CACNA2D1: variants seen among roughly 807,000 people sequenced by gnomAD.
CACNA2D1 encodes voltage-dependent calcium channel subunit alpha-2/delta-1.
CACNA2D1 carries 53 observed loss-of-function variants against 171.5 expected under a neutral mutation model. That is an observed-to-expected ratio of 0.31 (90% CI 0.25 to 0.39). The LOEUF (loss-of-function observed/expected upper bound fraction) is 0.39, where lower values mean the gene tolerates loss of function less well. Among genes scored for constraint, CACNA2D1 ranks in the 10% least tolerant of loss-of-function variants. The probability of loss-of-function intolerance (pLI) is 1.00; values close to 1 mark genes in which losing one functional copy is unlikely to be tolerated. For synonymous variants in CACNA2D1, 442 were observed against 443.1 expected, an observed-to-expected ratio of 1.00 and a Z score of 0.03; for missense variants, 903 against 1,299.8, an observed-to-expected ratio of 0.69 and a Z score of 4.69.
At chr7:82,009,959 C>T (rs1463088497) in intron 15 of CACNA2D1, among the ~76,000 whole-genome samples, 1 of 152,022 alleles carries the variant, frequency 6.6e-6, no homozygotes, top group Non-Finnish European at 1.5e-5. Context: ...CCTAATCTCC[C>T]CTTATTACCA....
intron 1 of CACNA2D1, among the ~76,000 whole-genome samples, chr7:82,428,557 G>C (rs1237648426): frequency 6.6e-6 from 1 of 152,170 alleles, no homozygotes; most frequent in Non-Finnish European, 1.5e-5. Context: ...TCCAGGAGTA[G>C]ATTAGAAAAT....
chr7:82,021,336 G>A (rs1471789992), intron 12 of CACNA2D1: 1 of 151,948 alleles, frequency 6.6e-6, no homozygotes, highest in East Asian at 1.9e-4. Flanking sequence ...GAAGGGAAAG[G>A]TGCCATCACT....
intron 1 of CACNA2D1, among the ~76,000 whole-genome samples, chr7:82,408,865 T>G (rs1052687800): frequency 2.0e-5 from 3 of 152,152 alleles, no homozygotes; most frequent in Admixed American, 2.0e-4. Flanking sequence ...GAGAAGACAA[T>G]TTAAGGCAAT....
At chr7:82,193,572 C>A (rs1798552955) in intron 3 of CACNA2D1, among the ~76,000 whole-genome samples, 1 of 151,896 alleles carries the variant, frequency 6.6e-6, no homozygotes. Flanking sequence ...CTTGAGCACA[C>A]CATAATCTAT....
chr7:82,226,623 A>C (rs1246639419), intron 3 of CACNA2D1, among the ~76,000 whole-genome samples: 1 of 152,144 alleles, frequency 6.6e-6, no homozygotes, highest in Non-Finnish European at 1.5e-5. Flanking sequence ...GAGCTCATTC[A>C]ATCGTGCATT....
chr7:82,252,750 C>T (rs549982916), intron 3 of CACNA2D1, among the ~76,000 whole-genome samples: 26 of 151,992 alleles, frequency 1.7e-4, no homozygotes, highest in South Asian at 1.7e-3. Context: ...ATTAGCTGGG[C>T]GTGGTGGTGC....
intron 1 of CACNA2D1, among the ~76,000 whole-genome samples, chr7:82,426,631 A>C (rs1241614833): frequency 6.6e-6 from 1 of 152,188 alleles, no homozygotes; most frequent in Non-Finnish European, 1.5e-5. Flanking sequence ...TGTATCTTTA[A>C]CGTTACAATT....
At chr7:81,969,460 G>C (rs1795042945) in intron 28 of CACNA2D1, among the ~76,000 whole-genome samples, 1 of 151,046 alleles carries the variant, frequency 6.6e-6, no homozygotes, top group Non-Finnish European at 1.5e-5. Flanking sequence ...AGGTTTTTGG[G>C]AAATAAGTCA....
intron 1 of CACNA2D1, among the ~76,000 whole-genome samples, chr7:82,437,121 C>G (rs1232461675): frequency 1.3e-5 from 2 of 151,934 alleles, no homozygotes; most frequent in East Asian, 3.9e-4. Context: ...TGAAAAGGAC[C>G]TGAAATTGAG....
intron 6 of CACNA2D1, among the ~76,000 whole-genome samples, chr7:82,111,494 C>T (rs1788465091): frequency 7.6e-6 from 1 of 130,740 alleles, no homozygotes; most frequent in Non-Finnish European, 1.6e-5. Context: ...GTCACCCAGA[C>T]TGGAGTGCAG....
intron 3 of CACNA2D1, among the ~76,000 whole-genome samples, chr7:82,179,390 T>C (rs1035447935): frequency 1.3e-5 from 2 of 152,146 alleles, no homozygotes; most frequent in African/African-American, 4.8e-5. Context: ...GCTGATAATC[T>C]AGTCTAAAAT....
intron 4 of CACNA2D1, among the ~76,000 whole-genome samples, chr7:82,162,162 A>G (rs542223175): frequency 2.0e-5 from 3 of 152,212 alleles, no homozygotes; most frequent in African/African-American, 7.2e-5. Flanking sequence ...TGAAATTTAA[A>G]GTCAAATTGG....
In CACNA2D1 at chr7:81,964,317, G is replaced by A; in HGVS notation, c.2617C>T (p.His873Tyr). ...GCATAAACTGATATATTAACCAGGT[G>A]TCTCATCAAGCTGGGATCAATCTCT... ...FGEIDPSLMR[H>Y]LVNISVYAFN... is the part of the protein sequence containing the mutation. The change falls in exon 33 of 39, where the codon CAC becomes TAC. Residue 873 changes from histidine to tyrosine, a missense_variant. By Grantham distance (83) the His-to-Tyr change is moderately conservative. Around this residue, in one of 5 missense-constraint regions of CACNA2D1, gnomAD observed 623 missense variants for 925.5 expected, o/e 0.67. Coordinates refer to ENST00000356860, the MANE Select transcript of CACNA2D1 (RefSeq NM_000722.4). 6.2e-7 allele frequency: 1 copy of A among 1,611,892 alleles called. No homozygotes were observed. Among genetic ancestry groups the A allele is most frequent in the Non-Finnish European group, 8.5e-7 (1 of 1,178,542 alleles).
At position 82,050,770 on chromosome 7, in the gene CACNA2D1, A is replaced by G. The variant is rs117431779; in HGVS notation, c.879+9658T>C. The G allele has an allele frequency of 3.4e-3, 2,181 of 632,898 alleles. 3 individuals carry two copies. The highest frequency in any genetic ancestry group is 5.2e-3 in the Non-Finnish European group (1,832 of 351,744). 39.2% of individuals were successfully genotyped at this position (632,898 alleles called of 1,614,324 possible). On this transcript the variant is annotated intron_variant, in intron 10 of 38. Transcript: ENST00000356860. ...ATAACAATAATCATCATCATAATAC[A>G]TGATTACAATATATAAGCACTTTAC...
intron 36 of CACNA2D1, among the ~76,000 whole-genome samples, 200 bp downstream of exon 36, chr7:81,961,694 A>T (rs574319082): frequency 5.4e-4 from 82 of 152,138 alleles, no homozygotes; most frequent in Admixed American, 2.4e-3. Flanking sequence ...AATTTTAAAA[A>T]TTACAAATTT....
At chr7:82,269,574 T>C (rs1212241297) in intron 3 of CACNA2D1, among the ~76,000 whole-genome samples, 1 of 152,202 alleles carries the variant, frequency 6.6e-6, no homozygotes, top group Non-Finnish European at 1.5e-5. Flanking sequence ...CCATGGTACT[T>C]GTGCATCTAC....
At chr7:82,211,845 T>C (rs1585111279) in intron 3 of CACNA2D1, among the ~76,000 whole-genome samples, 2 of 152,314 alleles carry the variant, frequency 1.3e-5, no homozygotes, top group South Asian at 2.1e-4. Context: ...AAACGTTCCC[T>C]TTCTCTGCAA....
At chr7:82,437,228 T>C (rs1405895755) in intron 1 of CACNA2D1, among the ~76,000 whole-genome samples, 1 of 152,146 alleles carries the variant, frequency 6.6e-6, no homozygotes, top group African/African-American at 2.4e-5. Context: ...ATAGTAATTA[T>C]ATGCATGTGT....
chr7:82,059,861 C>A (rs557659747), intron 10 of CACNA2D1, among the ~76,000 whole-genome samples: 7 of 146,998 alleles, frequency 4.8e-5, no homozygotes, highest in South Asian at 4.4e-4. Flanking sequence ...ATGGATGAAG[C>A]TGGAAACCAT....
Sources: gnomAD v4.1 joint callset for allele counts (sites outside exome capture counted in the v4.1 genomes callset) on GRCh38, gnomAD v4.1.1 for gene constraint, gnomAD v4.1.1 regional missense constraint, MANE v1.5 for transcripts, NCBI Gene and HGNC (gene_info 2026-07-23, HGNC 2026-07-21) for gene names.